Variants in TM4SF20 observed in about 807,000 individuals in gnomAD.
TM4SF20 encodes transmembrane 4 L6 family member 20.
A neutral mutation model predicts 15.1 loss-of-function variants in TM4SF20; 13 were observed. The observed-to-expected ratio is 0.86, with a 90% CI of 0.56 to 1.36. The LOEUF is 1.36. TM4SF20 is among the 40% of genes most tolerant of loss of function. The probability of loss-of-function intolerance (pLI) is 0.00; values close to 1 mark genes in which losing one functional copy is unlikely to be tolerated. For synonymous variants in TM4SF20, 92 were observed against 96.6 expected, an observed-to-expected ratio of 0.95 and a Z score of 0.28; for missense variants, 282 against 268.4, an observed-to-expected ratio of 1.05 and a Z score of -0.35.
chr2:227,373,245 C>T (rs1370508394), intron 1 of TM4SF20, among the ~76,000 whole-genome samples: 1 of 152,038 alleles, frequency 6.6e-6, no homozygotes, highest in Non-Finnish European at 1.5e-5. Flanking sequence ...ACAAACCTCA[C>T]TCCATCTGAT....
chr2:227,370,910 C>T lies in TM4SF20; in HGVS notation c.249+5G>A, dbSNP rs773944040. 2.5e-6 allele frequency: 4 copies of T among 1,613,506 alleles called. No individual in the cohort carries two copies. Among genetic ancestry groups the T allele is most frequent in the Non-Finnish European group, 3.4e-6 (4 of 1,179,578 alleles). Reference sequence around the variant, plus strand: ...CTGCTTCCACGCCGACTGCTTCATACTTACTCCAGTTCTGTTGTTGCAGCA... The same window carrying T: ...CTGCTTCCACGCCGACTGCTTCATATTTACTCCAGTTCTGTTGTTGCAGCA... On this transcript the variant is annotated splice_donor_5th_base_variant and intron_variant, in intron 2 of 3. Transcript: ENST00000304568.
intron 2 of TM4SF20, among the ~76,000 whole-genome samples, chr2:227,369,972 C>A (rs2076412620): frequency 6.6e-6 from 1 of 152,198 alleles, no homozygotes; most frequent in Admixed American, 6.5e-5. Context: ...CTTCGTCAAT[C>A]AAACACACTT....
At chr2:227,366,716 CAAAAAAAAAAA>C (rs59401554) in intron 2 of TM4SF20, among the ~76,000 whole-genome samples, 35 of 68,186 alleles carry the variant, frequency 5.1e-4, no homozygotes, top group African/African-American at 1.3e-3. Flanking sequence ...AAGACTCTGT[CAAAAAAAAAAA>C]AAAAAAAAAA....
chr2:227,365,541 A>G (rs1371243143), intron 3 of TM4SF20, among the ~76,000 whole-genome samples: 1 of 152,220 alleles, frequency 6.6e-6, no homozygotes, highest in Non-Finnish European at 1.5e-5. Flanking sequence ...TGCATACAGT[A>G]TATTTATAGC....
At chr2:227,378,478 A>G (rs1299961096) in intron 1 of TM4SF20, among the ~76,000 whole-genome samples, 1 of 152,206 alleles carries the variant, frequency 6.6e-6, no homozygotes, top group Non-Finnish European at 1.5e-5. Flanking sequence ...AGGTAGACCT[A>G]GTAACAATCA....
intron 1 of TM4SF20, among the ~76,000 whole-genome samples, chr2:227,374,925 C>A (rs868055035): frequency 5.8e-4 from 81 of 139,238 alleles, no homozygotes; most frequent in East Asian, 8.5e-4. Flanking sequence ...ACCCTATCTA[C>A]AAAAAAAAAA....
At chr2:227,373,302 A>G (rs755747030) in intron 1 of TM4SF20, among the ~76,000 whole-genome samples, 31 of 152,242 alleles carry the variant, frequency 2.0e-4, no homozygotes, top group Non-Finnish European at 3.4e-4. Flanking sequence ...AGCTTTGCTT[A>G]CACATTGCCT....
intron 1 of TM4SF20, among the ~76,000 whole-genome samples, chr2:227,376,477 T>G (rs751275644): frequency 2.0e-5 from 3 of 152,264 alleles, no homozygotes; most frequent in Non-Finnish European, 4.4e-5. Context: ...CTTGTGGGCA[T>G]AGCCTCTGTC....
chr2:227,371,061 C>T, intron 1 of TM4SF20, 81 bp from the exon 2 acceptor site: 1 of 1,219,536 alleles, frequency 8.2e-7, no homozygotes, highest in East Asian at 2.3e-5. Flanking sequence ...CTTCCGTTTA[C>T]CACCAGTTGT....
chr2:227,378,304 T>C lies in TM4SF20; in HGVS notation c.183+782A>G, dbSNP rs116166413. Among the ~76,000 whole-genome samples, 764 of 152,314 alleles carry C rather than the reference T, an allele frequency of 5.0e-3. 6 individuals carry two copies. The highest frequency in any genetic ancestry group is 0.017 in the African/African-American group (721 of 41,560). On this transcript the variant is annotated intron_variant, in intron 1 of 3. Transcript: ENST00000304568. ...CCATAGCTGAGGTATTCTGCCATAT[T>C]TGAAAGCCGTTTTCCCTATACAAAT...
At position 227,363,876 on chromosome 2, in the gene TM4SF20, C is replaced by T. The variant is rs753405167; in HGVS notation, c.538G>A (p.Glu180Lys). ...TGGATAAGCCTATGTTTGTTTTCTTCAGAATCGAAGTGGAAACTAGATGCT... is the reference window on the plus strand; with the variant it reads ...TGGATAAGCCTATGTTTGTTTTCTTTAGAATCGAAGTGGAAACTAGATGCT... ...WRASSFHFDS[E>K]ENKHRLIHFS... is the part of the protein sequence containing the mutation. The change falls in exon 4 of 4, where the codon GAA (glutamate) becomes AAA (lysine). Residue 180 changes from glutamate (E) to lysine (K), a missense_variant. Coordinates refer to ENST00000304568, the MANE Select transcript of TM4SF20 (RefSeq NM_024795.4). The T allele has an allele frequency of 5.0e-6, 8 of 1,613,982 alleles. No homozygotes were observed. The South Asian group carries it at 7.7e-5, about 16-fold the overall frequency.
In TM4SF20 at chr2:227,363,023, T is replaced by G. The variant is rs979597705; in HGVS notation, c.*701A>C. The stretch of plus-strand genomic sequence containing the variant: ...GCCATTCTGTGCCCGCTGACCCACT[T>G]TTTGGATTTGTCCTAGTGTTCCCTG... On this transcript the variant is annotated 3_prime_UTR_variant, in exon 4 of 4. Coordinates refer to ENST00000304568, the MANE Select transcript of TM4SF20 (RefSeq NM_024795.4). 1 of 152,192 alleles carries G rather than the reference T, an allele frequency of 6.6e-6. No homozygotes were observed. Among genetic ancestry groups the G allele is most frequent in the Non-Finnish European group, 1.5e-5 (1 of 68,038 alleles). 9.4% of individuals were successfully genotyped at this position (152,192 alleles called of 1,614,324 possible).
At chr2:227,379,489 A>G, upstream of TM4SF20, 1 of 441,488 alleles carries the variant, frequency 2.3e-6, no homozygotes, top group East Asian at 3.4e-5. Context: ...AGCAGAAAAA[A>G]AAATCTATGA....
At chr2:227,364,164 A>G (rs1380031070) in intron 3 of TM4SF20, 152 bp from the exon 4 acceptor site, 10 of 760,396 alleles carry the variant, frequency 1.3e-5, no homozygotes, top group South Asian at 5.7e-5. Flanking sequence ...GCATGTGTCC[A>G]TATACTCTAC....
upstream of TM4SF20, among the ~76,000 whole-genome samples, chr2:227,381,251 T>C (rs2076478670): frequency 6.6e-6 from 1 of 151,928 alleles, no homozygotes; most frequent in Non-Finnish European, 1.5e-5. Flanking sequence ...AACTCCAGCC[T>C]GGGCAAGAGA....
Position 227,379,123 on chromosome 2 carries a change from T to G in TM4SF20, c.146A>C (p.Glu49Ala), listed in dbSNP as rs766645717. 2 of 1,614,176 alleles carry G rather than the reference T, an allele frequency of 1.2e-6. No individual in the cohort carries two copies. The highest frequency in any genetic ancestry group is 2.2e-5 in the East Asian group (1 of 44,882). The change falls in exon 1 of 4, where the codon GAG becomes GCG. Residue 49 changes from glutamate (E) to alanine (A), a missense_variant. Transcript: ENST00000304568. ...TCCTATAATTCCTGGGAACCACCAC[T>G]CAAAGCAAGAGATGGGGTTTTGAGA... ...QFSQNPISCF[E>A]WWFPGIIGAG...
intron 2 of TM4SF20, 70 bp downstream of exon 2, chr2:227,370,845 G>C (rs2106492140): frequency 7.8e-7 from 1 of 1,285,754 alleles, no homozygotes. Flanking sequence ...GAGTGACTCA[G>C]TGTGGCTTTG....
At chr2:227,366,518 A>C (rs866436712) in intron 2 of TM4SF20, among the ~76,000 whole-genome samples, 1 of 152,114 alleles carries the variant, frequency 6.6e-6, no homozygotes, top group African/African-American at 2.4e-5. Flanking sequence ...ACCTGAGGTC[A>C]GGAGTTCAAG....
intron 1 of TM4SF20, among the ~76,000 whole-genome samples, chr2:227,378,299 C>A (rs1375028348): frequency 6.6e-6 from 1 of 152,150 alleles, no homozygotes; most frequent in Non-Finnish European, 1.5e-5. Context: ...GGTATTCTGC[C>A]ATATTTGAAA....
Sources: allele counts gnomAD v4.1 joint callset (sites outside exome capture counted in the v4.1 genomes callset), GRCh38; gene constraint gnomAD v4.1.1; transcripts MANE v1.5; gene names NCBI Gene and HGNC (gene_info 2026-07-23, HGNC 2026-07-21).